The following MOCS1 variants were observed in gnomAD, a reference collection of about 807,000 sequenced individuals.
MOCS1 encodes molybdenum cofactor biosynthesis protein 1.
In MOCS1, 39 loss-of-function variants were observed where a neutral mutation model predicts 57.6. The observed-to-expected ratio is 0.68, with a 90% CI of 0.52 to 0.88. The LOEUF is 0.88. Among genes scored for constraint, MOCS1 ranks in the 40% least tolerant of loss-of-function variants. The pLI is 0.00. For synonymous variants in MOCS1, 334 were observed against 335.7 expected (o/e 1.00, Z 0.05); for missense variants, 795 against 831.1 (o/e 0.96, Z 0.53).
At chr6:39,910,937 T>G (rs1277549070) in intron 8 of MOCS1, among the ~76,000 whole-genome samples, 1 of 152,122 alleles carries the variant, frequency 6.6e-6, no homozygotes, top group Non-Finnish European at 1.5e-5. Context: ...TGGCAGCAGC[T>G]GCTTCTCTGC....
intron 2 of MOCS1, 62 bp downstream of exon 2, chr6:39,927,267 A>C: frequency 6.3e-7 from 1 of 1,592,764 alleles, no homozygotes; most frequent in Non-Finnish European, 8.6e-7. Context: ...GCACAGGGAA[A>C]TTTCAAGGGC....
chr6:39,913,310 C>T lies in MOCS1; in HGVS notation c.757+7G>A, dbSNP rs1323200426. 3 of 1,612,418 alleles carry T rather than the reference C, an allele frequency of 1.9e-6. No homozygotes were observed. The East Asian group carries it at 6.7e-5, about 36-fold the overall frequency. ...TTCCCTCCCTCAACCCATCCCTGGT[C>T]ACTGACCATCAAAGGGCATATACTC... On this transcript the variant is annotated splice_region_variant and intron_variant, in intron 6 of 10. Transcript: ENST00000340692.
At chr6:39,918,447 C>A (rs868460103) in intron 3 of MOCS1, among the ~76,000 whole-genome samples, 1 of 152,142 alleles carries the variant, frequency 6.6e-6, no homozygotes, top group South Asian at 2.1e-4. Context: ...ATTTTTAAAG[C>A]CTTTGACCTG....
At chr6:39,924,005 G>A (rs753766636) in intron 3 of MOCS1, among the ~76,000 whole-genome samples, 1 of 152,164 alleles carries the variant, frequency 6.6e-6, no homozygotes, top group Non-Finnish European at 1.5e-5. Context: ...AGCTGGACGG[G>A]GCAGCAATCA....
intron 3 of MOCS1, among the ~76,000 whole-genome samples, chr6:39,917,739 G>A (rs936729150): frequency 6.6e-6 from 1 of 151,920 alleles, no homozygotes; most frequent in African/African-American, 2.4e-5. Context: ...AAAAGCAGAG[G>A]GAATATCCTT....
intron 1 of MOCS1, among the ~76,000 whole-genome samples, chr6:39,929,165 A>T (rs1582840360): frequency 6.6e-6 from 1 of 151,920 alleles, no homozygotes; most frequent in African/African-American, 2.4e-5. Flanking sequence ...AGAATTTCCC[A>T]CCTCCTCTGA....
At chr6:39,909,034 A>C in intron 10 of MOCS1, 21 bp downstream of exon 10, 1 of 1,608,928 alleles carries the variant, frequency 6.2e-7, no homozygotes, top group South Asian at 1.1e-5. Flanking sequence ...GTGAGTGGTT[A>C]CGTACTGATG....
At chr6:39,925,208 A>G (rs1768207637) in intron 3 of MOCS1, among the ~76,000 whole-genome samples, 1 of 151,822 alleles carries the variant, frequency 6.6e-6, no homozygotes, top group East Asian at 1.9e-4. Context: ...ATGAGGACGC[A>G]CTTTAGACAG....
Position 39,912,917 on chromosome 6 carries a change from G to A in MOCS1, c.845C>T (p.Pro282Leu). Residue 282 changes from proline to leucine, a missense_variant, in exon 7 of 11, where the codon CCA (proline) becomes CTA (leucine). By Grantham distance (98) the Pro-to-Leu change is moderately conservative. Around this residue, in one of 3 missense-constraint regions of MOCS1, gnomAD observed 416 missense variants for 392.4 expected, o/e 1.06. Transcript: ENST00000340692. Reference protein sequence around the residue: ...RQQWPELEKVPEEESSTAKAF... With the variant: ...RQQWPELEKVLEEESSTAKAF... ...CTTGGCTGTGCTGGATTCCTCCTCT[G>A]GCACCTTCTCCAGCTCTGGCCACTG... 1 of 1,614,098 alleles carries A rather than the reference G, an allele frequency of 6.2e-7. No individual in the cohort carries two copies. Among genetic ancestry groups the A allele is most frequent in the Non-Finnish European group, 8.5e-7 (1 of 1,180,002 alleles).
At chr6:39,908,718 G>C (rs1767107783) in intron 10 of MOCS1, among the ~76,000 whole-genome samples, 1 of 152,142 alleles carries the variant, frequency 6.6e-6, no homozygotes, top group Non-Finnish European at 1.5e-5. Flanking sequence ...GGAGATTTTA[G>C]AGCCGAGGAA....
At chr6:39,909,424 T>C (rs1164286773) in intron 9 of MOCS1, among the ~76,000 whole-genome samples, 2 of 151,876 alleles carry the variant, frequency 1.3e-5, no homozygotes, top group Admixed American at 1.3e-4. Context: ...GCACATGCAC[T>C]CAGCTGTATG....
chr6:39,927,412 G>A lies in MOCS1; in HGVS notation c.167C>T (p.Pro56Leu), dbSNP rs769291978. 5.0e-6 allele frequency: 8 copies of A among 1,612,708 alleles called. No individual in the cohort carries two copies. In the Admixed American group the frequency reaches 1.2e-4, roughly 24 times the overall value. Residue 56 changes from proline (P) to leucine (L), a missense_variant, in exon 2 of 11, where the codon CCC becomes CTC. Pro to Leu is a moderately conservative substitution (Grantham distance 98). Coordinates refer to ENST00000340692, the MANE Select transcript of MOCS1 (RefSeq NM_001358530.2). The stretch of plus-strand genomic sequence containing the variant: ...GCTGTCTGTGAGGAAGGCGGAGAAG[G>A]GGGCCGCATGCTCCCGCAGGAACTG... ...RRQFLREHAA[P>L]FSAFLTDSFG...
chr6:39,925,673 C>G lies in MOCS1; in HGVS notation c.418+5G>C. On this transcript the variant is annotated splice_donor_5th_base_variant and intron_variant, in intron 3 of 10. Coordinates refer to ENST00000340692, the MANE Select transcript of MOCS1 (RefSeq NM_001358530.2). Reference sequence around the variant, plus strand: ...AGAAGTGGCGATGACTTTCGTCCAACTCACCCACAATGTCCACCACGTCCG... The same window carrying G: ...AGAAGTGGCGATGACTTTCGTCCAAGTCACCCACAATGTCCACCACGTCCG... 2 of 1,612,826 alleles carry G rather than the reference C, an allele frequency of 1.2e-6. No individual in the cohort carries two copies. The highest frequency in any genetic ancestry group is 1.7e-6 in the Non-Finnish European group (2 of 1,179,990).
Position 39,927,418 on chromosome 6 carries a change from G to A in MOCS1, c.161C>T (p.Ala54Val), listed in dbSNP as rs374766990. Residue 54 changes from alanine to valine, a missense_variant, in exon 2 of 11, where the codon GCG becomes GTG. By Grantham distance (64) the Ala-to-Val change is moderately conservative. Coordinates refer to ENST00000340692, the MANE Select transcript of MOCS1 (RefSeq NM_001358530.2). ...TGTGAGGAAGGCGGAGAAGGGGGCC[G>A]CATGCTCCCGCAGGAACTGCCTCCG... ...SRRRQFLREH[A>V]APFSAFLTDS... The A allele has an allele frequency of 2.2e-5, 35 of 1,612,080 alleles. No homozygotes were observed. Among genetic ancestry groups the A allele is most frequent in the Middle Eastern group, 1.7e-4 (1 of 6,040 alleles).
Position 39,904,456 on chromosome 6 carries a change from T to G in MOCS1, c.*1901A>C, listed in dbSNP as rs1218064373. On this transcript the variant is annotated 3_prime_UTR_variant, in exon 11 of 11. Coordinates refer to ENST00000340692, the MANE Select transcript of MOCS1 (RefSeq NM_001358530.2). ...TTGTTTCTTGGTCTTGCTTTCTTCATGCCCTCCCCACTGCTCCTGCCACCT... is the reference window on the plus strand; with the variant it reads ...TTGTTTCTTGGTCTTGCTTTCTTCAGGCCCTCCCCACTGCTCCTGCCACCT... 3 of 454,556 alleles carry G rather than the reference T, an allele frequency of 6.6e-6. No homozygotes were observed. In the East Asian group the frequency reaches 2.1e-4, roughly 32 times the overall value. The allele number at this position is 454,556 out of a possible 1,614,324, so 28.2% of individuals were successfully genotyped here. A position where few individuals can be genotyped will look rare whatever the true frequency, so the allele number is the denominator to read the frequency against.
At chr6:39,925,562 A>G (rs1768229520) in intron 3 of MOCS1, 116 bp downstream of exon 3, 5 of 1,219,432 alleles carry the variant, frequency 4.1e-6, no homozygotes, top group Non-Finnish European at 6.0e-6. Flanking sequence ...GTGTTGTAGG[A>G]CCAAGAGAGT....
At position 39,913,792 on chromosome 6, in the gene MOCS1, CA is replaced by C; in HGVS notation, c.626del (p.Leu209ArgfsTer6). ...GCCTCACCTTCACAGGGTTGTAGCC[CA>C]GCTCGATGGCCTTGTGGATGCCCTC... ...VMEGIHKAIE[L>X]GYNPVKVNCV... On this transcript the variant is annotated frameshift_variant, in exon 5 of 11. Coordinates refer to ENST00000340692, the MANE Select transcript of MOCS1 (RefSeq NM_001358530.2). LOFTEE classifies it high-confidence loss of function. 6.2e-7 allele frequency: 1 copy of C among 1,614,212 alleles called. No individual in the cohort carries two copies. The highest frequency in any genetic ancestry group is 8.5e-7 in the Non-Finnish European group (1 of 1,180,048).
intron 3 of MOCS1, among the ~76,000 whole-genome samples, chr6:39,919,213 G>A (rs757838898): frequency 9.9e-5 from 15 of 152,268 alleles, no homozygotes; most frequent in Middle Eastern, 3.4e-3. Context: ...GGCCAGGCAC[G>A]GTGGCTGATG....
chr6:39,927,366 G>A lies in MOCS1; in HGVS notation c.213C>T (p.Tyr71=). The change falls in exon 2 of 11, where the codon TAC becomes TAT. Residue 71 remains tyrosine, a synonymous_variant. Coordinates refer to ENST00000340692, the MANE Select transcript of MOCS1 (RefSeq NM_001358530.2). ...LTDSFGRQHS[Y]LRISLTEKCN... ...ACTTCTCTGTGAGGGAGATCCGCAG[G>A]TAGCTGTGCTGCCGGCCGAAGCTGT... 6.2e-7 allele frequency: 1 copy of A among 1,612,516 alleles called. No homozygotes were observed.
Sources: allele counts gnomAD v4.1 joint callset (sites outside exome capture counted in the v4.1 genomes callset), GRCh38; gene constraint gnomAD v4.1.1; regional missense constraint gnomAD v4.1.1; transcripts MANE v1.5; gene names NCBI Gene and HGNC (gene_info 2026-07-23, HGNC 2026-07-21).